Variants in PLSCR2 observed in about 807,000 individuals in gnomAD.
PLSCR2 encodes the protein phospholipid scramblase 2.
PLSCR2 carries 18 observed loss-of-function variants against 25.3 expected under a neutral mutation model. That is an observed-to-expected ratio of 0.71 (90% CI 0.49 to 1.06). The LOEUF is 1.06. Ranked by LOEUF, PLSCR2 falls within the 50% of genes least tolerant of loss-of-function variation. The probability of loss-of-function intolerance (pLI) is 0.00; values close to 1 mark genes in which losing one functional copy is unlikely to be tolerated. For synonymous variants in PLSCR2, 88 were observed against 87.3 expected (o/e 1.01, Z -0.04); for missense variants, 243 against 269.5 (o/e 0.90, Z 0.69).
chr3:146,401,377 T>G (rs1032337489), intron 2 of PLSCR2: 1 of 152,556 alleles, frequency 6.6e-6, no homozygotes, highest in Admixed American at 6.6e-5. Flanking sequence ...AAGCTACATT[T>G]CAGAGCCTTA....
intron 8 of PLSCR2, among the ~76,000 whole-genome samples, chr3:146,434,953 GAT>G (rs1176074352): frequency 7.6e-6 from 1 of 131,630 alleles, no homozygotes; most frequent in African/African-American, 3.0e-5. Context: ...CCTGGTGTGT[GAT>G]GTTCCCCATC....
intron 3 of PLSCR2, among the ~76,000 whole-genome samples, chr3:146,456,788 T>C (rs150962206): frequency 5.9e-5 from 9 of 151,982 alleles, no homozygotes; most frequent in East Asian, 1.9e-4. Context: ...GACTTTCAAT[T>C]TGAGAAAAAA....
chr3:146,400,730 C>G (rs1029038404), intron 2 of PLSCR2, among the ~76,000 whole-genome samples: 2 of 151,610 alleles, frequency 1.3e-5, no homozygotes, highest in African/African-American at 2.4e-5. Context: ...TTAAGACTTA[C>G]TCTACAGCTG....
At chr3:146,484,333 CAG>C (rs1174803558) in intron 1 of PLSCR2, among the ~76,000 whole-genome samples, 1 of 151,280 alleles carries the variant, frequency 6.6e-6, no homozygotes, top group African/African-American at 2.4e-5. Context: ...CTGAAAAAGA[CAG>C]AGAGAATGGA....
downstream of PLSCR2, among the ~76,000 whole-genome samples, chr3:146,436,785 G>T (rs890606861): frequency 6.6e-6 from 1 of 151,978 alleles, no homozygotes; most frequent in African/African-American, 2.4e-5. Flanking sequence ...TTGCCTGATT[G>T]CCCTGGCCAG....
intron 1 of PLSCR2, among the ~76,000 whole-genome samples, chr3:146,466,149 G>A (rs1386320175): frequency 2.0e-5 from 3 of 152,162 alleles, no homozygotes; most frequent in African/African-American, 7.2e-5. Context: ...TGTAAGATAG[G>A]CTTTTACAGT....
intron 1 of PLSCR2, among the ~76,000 whole-genome samples, chr3:146,480,262 C>G (rs2043082125): frequency 1.3e-5 from 2 of 151,800 alleles, no homozygotes; most frequent in African/African-American, 4.9e-5. Flanking sequence ...GAGATAGAGA[C>G]ACAAAAAACC....
downstream of PLSCR2, among the ~76,000 whole-genome samples, chr3:146,440,686 G>A (rs185218863): frequency 7.2e-5 from 11 of 152,244 alleles, no homozygotes; most frequent in Middle Eastern, 3.4e-3. Context: ...GTTCCTATTC[G>A]GCCATCTTGG....
intron 1 of PLSCR2, among the ~76,000 whole-genome samples, chr3:146,474,971 G>T (rs1235278935): frequency 6.6e-6 from 1 of 151,744 alleles, no homozygotes; most frequent in Non-Finnish European, 1.5e-5. Context: ...TTCTTGTGCT[G>T]TGTTTTTCAG....
At chr3:146,461,988 C>G (rs2041604570), upstream of PLSCR2, 1 of 1,056,880 alleles carries the variant, frequency 9.5e-7, no homozygotes, top group Non-Finnish European at 1.3e-6. Context: ...AACAAGTCAA[C>G]AACACATTTA....
At chr3:146,426,610 A>G (rs935298594) in intron 2 of PLSCR2, among the ~76,000 whole-genome samples, 48 of 150,278 alleles carry the variant, frequency 3.2e-4, no homozygotes, top group African/African-American at 1.2e-3. Context: ...CTACACCTAC[A>G]AAGAGTGATT....
At chr3:146,405,642 A>G (rs2038639451) in intron 2 of PLSCR2, among the ~76,000 whole-genome samples, 1 of 152,208 alleles carries the variant, frequency 6.6e-6, no homozygotes, top group Non-Finnish European at 1.5e-5. Context: ...CTTAAGATAC[A>G]TAAGTTTGAC....
At chr3:146,416,273 T>A (rs1396298671) in intron 2 of PLSCR2, among the ~76,000 whole-genome samples, 2 of 152,146 alleles carry the variant, frequency 1.3e-5, no homozygotes, top group African/African-American at 4.8e-5. Context: ...TGTTTTTAAA[T>A]GAGATTCCTA....
At chr3:146,451,593 T>C (rs2040899895) in intron 5 of PLSCR2, among the ~76,000 whole-genome samples, 1 of 152,178 alleles carries the variant, frequency 6.6e-6, no homozygotes, top group South Asian at 2.1e-4. Context: ...CTAAGATGAC[T>C]GGTGGTTGGT....
intron 2 of PLSCR2, among the ~76,000 whole-genome samples, chr3:146,404,876 A>T (rs2038610110): frequency 6.6e-6 from 1 of 151,840 alleles, no homozygotes; most frequent in African/African-American, 2.4e-5. Flanking sequence ...AATAGGAAAA[A>T]TAACATTAAG....
At chr3:146,454,870 C>T (rs2108360479) in intron 4 of PLSCR2, among the ~76,000 whole-genome samples, 1 of 152,112 alleles carries the variant, frequency 6.6e-6, no homozygotes, top group Admixed American at 6.5e-5. Context: ...TTCTTTTGTC[C>T]CCATGATCCT....
intron 1 of PLSCR2, among the ~76,000 whole-genome samples, chr3:146,467,193 A>T (rs1451186648): frequency 6.6e-6 from 1 of 152,202 alleles, no homozygotes; most frequent in Non-Finnish European, 1.5e-5. Flanking sequence ...TACTCACTTA[A>T]CATAAAGCTT....
At chr3:146,469,776 A>ACC (rs2042039094) in intron 1 of PLSCR2, among the ~76,000 whole-genome samples, 4 of 97,660 alleles carry the variant, frequency 4.1e-5, no homozygotes, top group African/African-American at 1.5e-4. Flanking sequence ...GCGCGACTGC[A>ACC]CCCACCCCCC....
intron 1 of PLSCR2, among the ~76,000 whole-genome samples, chr3:146,485,927 G>T (rs886687845): frequency 6.6e-6 from 1 of 152,026 alleles, no homozygotes; most frequent in Non-Finnish European, 1.5e-5. Flanking sequence ...CAGATCTTGT[G>T]AGACCCATTC....
Sources: gnomAD v4.1 joint callset for allele counts (sites outside exome capture counted in the v4.1 genomes callset) on GRCh38, gnomAD v4.1.1 for gene constraint, MANE v1.5 for transcripts, NCBI Gene and HGNC (gene_info 2026-07-23, HGNC 2026-07-21) for gene names.